The following SORT1 variants were observed in gnomAD, a reference collection of about 807,000 sequenced individuals.
SORT1 encodes sortilin 1.
In SORT1, 39 loss-of-function variants were observed where a neutral mutation model predicts 101.7. The observed-to-expected ratio is 0.38, with a 90% CI of 0.30 to 0.50. The LOEUF (loss-of-function observed/expected upper bound fraction) is 0.50, where lower values mean the gene tolerates loss of function less well. SORT1 is among the 20% of genes least tolerant of loss of function. The pLI is 0.90. For synonymous variants in SORT1, 396 were observed against 393.7 expected (o/e 1.01, Z -0.07); for missense variants, 878 against 1,040.4 (o/e 0.84, Z 2.15).
rs1162214214 is a variant in SORT1, at chr1:109,336,310, C to T, written c.1301G>A (p.Gly434Glu). ...SIQTMITFDQ[G>E]GRWTHLRKPE... ...CTTCCTCAGGTGCGTCCACCTTCCT[C>T]CTTGGTCAAAAGTGATCATGGTCTG... is the stretch of plus-strand genomic sequence containing the variant. Residue 434 changes from glycine (G) to glutamate (E), a missense_variant, in exon 11 of 20, where the codon GGA becomes GAA. Physicochemically the swap from Gly to Glu is moderately conservative, Grantham distance 98 (BLOSUM62 -2). This residue lies in a region of SORT1 where 684 missense variants were observed against 894.5 expected (regional missense o/e 0.76). Transcript: ENST00000256637. The T allele has an allele frequency of 1.2e-6, 2 of 1,613,262 alleles. No homozygotes were observed. Among genetic ancestry groups the T allele is most frequent in the Admixed American group, 3.3e-5 (2 of 60,016 alleles).
chr1:109,395,239 G>A (rs1273630243), intron 1 of SORT1, among the ~76,000 whole-genome samples: 1 of 57,326 alleles, frequency 1.7e-5, no homozygotes, highest in African/African-American at 7.2e-5. Context: ...TTTTTTTTTT[G>A]AGATAGAGTC....
chr1:109,363,688 T>C (rs181423386), intron 3 of SORT1, among the ~76,000 whole-genome samples: 13 of 152,292 alleles, frequency 8.5e-5, no homozygotes, highest in African/African-American at 3.1e-4. Context: ...TTATTTCAAA[T>C]CCAAATGAAC....
rs1658745092 is a variant in SORT1, at chr1:109,311,820, T to TA, written c.*2222_*2223insT. 2.0e-5 allele frequency: 3 copies of TA among 152,426 alleles called. No homozygotes were observed. Among genetic ancestry groups the TA allele is most frequent in the Non-Finnish European group, 4.4e-5 (3 of 68,050 alleles). The allele number at this position is 152,426 out of a possible 1,614,324, so 9.4% of individuals were successfully genotyped here. Reference sequence around the variant, plus strand: ...GTCATCTACAAGAAGGCAGCCTTGCTCAAAGTGGTTAGCACTCGCATGTGT... The same window carrying TA: ...GTCATCTACAAGAAGGCAGCCTTGCTACAAAGTGGTTAGCACTCGCATGTGT... On this transcript the variant is annotated 3_prime_UTR_variant, in exon 20 of 20. Transcript: ENST00000256637.
intron 11 of SORT1, among the ~76,000 whole-genome samples, chr1:109,328,992 C>G (rs998255576): frequency 2.0e-5 from 3 of 152,072 alleles, no homozygotes; most frequent in African/African-American, 7.2e-5. Flanking sequence ...AAAGGTCCAC[C>G]CTAGTGGATT....
chr1:109,322,415 A>G (rs1012068475), intron 15 of SORT1, among the ~76,000 whole-genome samples: 13 of 152,138 alleles, frequency 8.5e-5, no homozygotes, highest in Non-Finnish European at 1.9e-4. Flanking sequence ...GGTTCTGCCC[A>G]ATAATTAACT....
chr1:109,331,646 T>C (rs1244567838), intron 11 of SORT1, among the ~76,000 whole-genome samples: 3 of 152,068 alleles, frequency 2.0e-5, no homozygotes, highest in Admixed American at 2.0e-4. Context: ...TCTCACCACT[T>C]CTGTTCATTA....
At chr1:109,385,404 C>T (rs571350426) in intron 1 of SORT1, among the ~76,000 whole-genome samples, 1 of 152,112 alleles carries the variant, frequency 6.6e-6, no homozygotes, top group Non-Finnish European at 1.5e-5. Flanking sequence ...AACAAAAAAC[C>T]TTTGGCACTT....
chr1:109,371,778 G>C (rs1256362741), intron 1 of SORT1, among the ~76,000 whole-genome samples: 1 of 152,178 alleles, frequency 6.6e-6, no homozygotes, highest in African/African-American at 2.4e-5. Flanking sequence ...ATGTAGGCCA[G>C]ATTTACTAGC....
intron 1 of SORT1, among the ~76,000 whole-genome samples, chr1:109,391,460 G>A (rs1029152600): frequency 6.6e-6 from 1 of 152,176 alleles, no homozygotes; most frequent in Non-Finnish European, 1.5e-5. Context: ...AACTTCTTGT[G>A]CTGTAGATGA....
chr1:109,371,160 G>A (rs1399049447), intron 1 of SORT1, among the ~76,000 whole-genome samples: 4 of 152,142 alleles, frequency 2.6e-5, no homozygotes, highest in South Asian at 2.1e-4. Context: ...TCAAATGCTC[G>A]GCAGAGCTTC....
At chr1:109,344,391 A>T (rs1649443021) in intron 8 of SORT1, among the ~76,000 whole-genome samples, 1 of 152,226 alleles carries the variant, frequency 6.6e-6, no homozygotes, top group African/African-American at 2.4e-5. Flanking sequence ...CAAAGGCCAC[A>T]TAAGGTCTGG....
intron 3 of SORT1, among the ~76,000 whole-genome samples, chr1:109,358,007 G>C (rs1429496077): frequency 6.6e-6 from 1 of 152,148 alleles, no homozygotes; most frequent in African/African-American, 2.4e-5. Context: ...TTACAAATTG[G>C]TCCTCCTTCA....
intron 1 of SORT1, among the ~76,000 whole-genome samples, chr1:109,373,420 C>T (rs778528046): frequency 1.3e-5 from 2 of 152,186 alleles, no homozygotes; most frequent in Non-Finnish European, 2.9e-5. Flanking sequence ...CAGCTGAACA[C>T]CCATCAGCAC....
chr1:109,354,420 G>A lies in SORT1; in HGVS notation c.655C>T (p.Gln219Ter). ...GAATTCTGAGGGCTATACATCATCT[G>A]AGTGAGAGGATGAAAAGGGAGATCT... The part of the protein sequence containing the change: ...QTDLPFHPLT[Q>*]MMYSPQNSDY... Residue 219 changes from glutamine to a stop codon, truncating the protein, a stop_gained, in exon 5 of 20, where the codon CAG becomes TAG. Coordinates refer to ENST00000256637, the MANE Select transcript of SORT1 (RefSeq NM_002959.7). LOFTEE classifies it high-confidence loss of function. The A allele has an allele frequency of 6.2e-7, 1 of 1,612,598 alleles. No homozygotes were observed.
chr1:109,397,368 G>C (rs972806000), intron 1 of SORT1: 1 of 163,014 alleles, frequency 6.1e-6, no homozygotes, highest in African/African-American at 2.4e-5. Flanking sequence ...GAATGCGGTG[G>C]AAGTCTAAGA....
chr1:109,329,737 A>G (rs113269177), intron 11 of SORT1, among the ~76,000 whole-genome samples: 306 of 152,358 alleles, frequency 2.0e-3, no homozygotes, highest in African/African-American at 7.1e-3. Flanking sequence ...AGAACTGAAG[A>G]AAGAGGTAGA....
chr1:109,393,823 T>C (rs1444869388), intron 1 of SORT1, among the ~76,000 whole-genome samples: 2 of 152,028 alleles, frequency 1.3e-5, no homozygotes, highest in African/African-American at 4.8e-5. Flanking sequence ...CTATAACTCA[T>C]TACAAATACA....
At chr1:109,343,773 C>T (rs7520048) in intron 8 of SORT1, among the ~76,000 whole-genome samples, 98,501 of 152,052 alleles carry the variant, frequency 0.65, 33,748 homozygotes, top group East Asian at 0.96. Context: ...ATCAGCCTCC[C>T]GAGTAGCTGG....
intron 15 of SORT1, among the ~76,000 whole-genome samples, chr1:109,321,584 A>G (rs1184100710): frequency 6.6e-6 from 1 of 152,184 alleles, no homozygotes; most frequent in Non-Finnish European, 1.5e-5. Context: ...ATCATGCCAC[A>G]CACAGGTGTG....
Sources: gnomAD v4.1 joint callset for allele counts (sites outside exome capture counted in the v4.1 genomes callset) on GRCh38, gnomAD v4.1.1 for gene constraint, gnomAD v4.1.1 regional missense constraint, MANE v1.5 for transcripts, NCBI Gene and HGNC (gene_info 2026-07-23, HGNC 2026-07-21) for gene names.